The following DNAH5 variants were observed in gnomAD, a reference collection of about 807,000 sequenced individuals.
DNAH5 encodes dynein axonemal heavy chain 5, also known as axonemal beta dynein heavy chain 5.
In DNAH5, 372 loss-of-function variants were observed where a neutral mutation model predicts 518.2. That is an observed-to-expected ratio of 0.72 (90% CI 0.66 to 0.78). The LOEUF is 0.78. DNAH5 is among the 30% of genes least tolerant of loss of function. DNAH5 has a pLI of 0.00. For missense variants in DNAH5, 5,523 were observed against 5,687.0 expected (o/e 0.97, Z 0.93); for synonymous variants, 2,039 against 2,025.9 (o/e 1.01, Z -0.17).
chr5:13,693,530 C>G (rs1384547706), intron 78 of DNAH5, among the ~76,000 whole-genome samples: 1 of 152,084 alleles, frequency 6.6e-6, no homozygotes, highest in Non-Finnish European at 1.5e-5. Context: ...ATAAATAATC[C>G]TAAAGCCGTG....
Position 13,922,162 on chromosome 5 carries a change from G to T in DNAH5, c.605C>A (p.Ser202Tyr). The T allele has an allele frequency of 1.9e-6, 3 of 1,614,064 alleles. No homozygotes were observed. The highest frequency in any genetic ancestry group is 2.5e-6 in the Non-Finnish European group (3 of 1,179,980). The change falls in exon 5 of 79, where the codon TCC becomes TAC. Residue 202 changes from serine to tyrosine, a missense_variant. By Grantham distance (144) the Ser-to-Tyr change is moderately radical. This residue lies in a region of DNAH5 where 5,121 missense variants were observed against 5,223.3 expected (regional missense o/e 0.98). Coordinates refer to ENST00000265104, the MANE Select transcript of DNAH5 (RefSeq NM_001369.3). ...CAGGACGTTCACAAAGCCTTCCAGG[G>T]AGCTCAAGAACTCCTGGCGAATGTT... Reference protein sequence around the residue: ...AANIRQEFLSSLEGFVNVLSG... With the variant: ...AANIRQEFLSYLEGFVNVLSG...
Position 13,845,017 on chromosome 5 carries a change from A to G in DNAH5, c.5115-24T>C, listed in dbSNP as rs762918959. ...ACCTACAAGGAGAGGAAAAACATAAACCTTTATAACCACACAAAGCTGGTC... is the reference window on the plus strand; with the variant it reads ...ACCTACAAGGAGAGGAAAAACATAAGCCTTTATAACCACACAAAGCTGGTC... On this transcript the variant is annotated intron_variant, in intron 31 of 78. Transcript: ENST00000265104. The G allele has an allele frequency of 3.1e-6, 5 of 1,610,684 alleles. No individual in the cohort carries two copies. In the East Asian group the frequency reaches 8.9e-5, roughly 29 times the overall value.
At chr5:13,738,884 T>C (rs1327185666) in intron 65 of DNAH5, among the ~76,000 whole-genome samples, 1 of 152,202 alleles carries the variant, frequency 6.6e-6, no homozygotes, top group Non-Finnish European at 1.5e-5. Flanking sequence ...GAAACTTATG[T>C]ATTAGAGAGT....
intron 35 of DNAH5, among the ~76,000 whole-genome samples, chr5:13,837,796 G>T (rs1294708999): frequency 6.7e-6 from 1 of 148,696 alleles, no homozygotes; most frequent in Non-Finnish European, 1.5e-5. Flanking sequence ...TCCGCCTCGG[G>T]TTCAAGTGAT....
intron 47 of DNAH5, among the ~76,000 whole-genome samples, chr5:13,804,404 T>A (rs1759254051): frequency 6.6e-6 from 1 of 152,218 alleles, no homozygotes; most frequent in Admixed American, 6.5e-5. Flanking sequence ...ATGGACAGTA[T>A]CTATTTTCTC....
Position 13,841,125 on chromosome 5 carries a change from T to C in DNAH5, c.5490A>G (p.Gly1830=). ...TCCATATCATCTGAATTCCTAATAA[T>C]CCAACCTTATGGAAATAAAAAAGGC... ...EFLSSFPAQV[G]LLGIQMIWTR... is the part of the protein sequence containing the mutation. Residue 1830 remains glycine (G), a synonymous_variant, in exon 34 of 79, where the codon GGA becomes GGG. Coordinates refer to ENST00000265104, the MANE Select transcript of DNAH5 (RefSeq NM_001369.3). 1.2e-6 allele frequency: 2 copies of C among 1,612,892 alleles called. No homozygotes were observed. The highest frequency in any genetic ancestry group is 8.5e-7 in the Non-Finnish European group (1 of 1,179,056).
chr5:13,764,376 T>C (rs1029703401), intron 59 of DNAH5, among the ~76,000 whole-genome samples: 3 of 152,156 alleles, frequency 2.0e-5, no homozygotes, highest in Non-Finnish European at 4.4e-5. Context: ...AAATTAGTCA[T>C]ATTTTACATA....
intron 1 of DNAH5, among the ~76,000 whole-genome samples, chr5:13,973,011 C>T (rs577308932): frequency 9.9e-5 from 15 of 152,278 alleles, no homozygotes; most frequent in East Asian, 1.9e-4. Context: ...TATTACCTTA[C>T]GTGACAACAG....
chr5:13,941,601 T>C (rs981315813), intron 1 of DNAH5, among the ~76,000 whole-genome samples: 1 of 152,212 alleles, frequency 6.6e-6, no homozygotes, highest in African/African-American at 2.4e-5. Flanking sequence ...CAAAGGTTCT[T>C]TCTGTCTTGG....
At chr5:13,965,121 C>T (rs955914861) in intron 1 of DNAH5, among the ~76,000 whole-genome samples, 5 of 152,090 alleles carry the variant, frequency 3.3e-5, no homozygotes, top group African/African-American at 1.2e-4. Flanking sequence ...ACACGGCACC[C>T]TAGAGGGTCA....
intron 9 of DNAH5, 24 bp downstream of exon 9, chr5:13,916,324 A>T: frequency 8.0e-7 from 1 of 1,253,814 alleles, no homozygotes; most frequent in East Asian, 2.4e-5. Context: ...ACAAATGAAC[A>T]TGGACTCTAC....
intron 1 of DNAH5, among the ~76,000 whole-genome samples, chr5:13,987,024 C>T (rs896971342): frequency 1.3e-5 from 2 of 152,144 alleles, no homozygotes; most frequent in Non-Finnish European, 2.9e-5. Flanking sequence ...AGTGGGAAGC[C>T]GGAGCAAGGG....
chr5:13,876,009 C>T (rs1770834545), intron 22 of DNAH5, among the ~76,000 whole-genome samples: 1 of 152,124 alleles, frequency 6.6e-6, no homozygotes, highest in South Asian at 2.1e-4. Flanking sequence ...ACATTATTAA[C>T]AAGTCAACAA....
chr5:13,871,357 A>G (rs1770074324), intron 23 of DNAH5, among the ~76,000 whole-genome samples: 2 of 152,164 alleles, frequency 1.3e-5, no homozygotes, highest in Non-Finnish European at 2.9e-5. Flanking sequence ...CTTTTTTTCA[A>G]GGTTTAGCAG....
At chr5:13,797,799 C>A (rs1758053578) in intron 47 of DNAH5, among the ~76,000 whole-genome samples, 1 of 152,086 alleles carries the variant, frequency 6.6e-6, no homozygotes, top group African/African-American at 2.4e-5. Flanking sequence ...GACTTGGAAC[C>A]AACCCAAATG....
chr5:13,776,109 G>A (rs374914355), intron 55 of DNAH5, among the ~76,000 whole-genome samples: 12 of 152,168 alleles, frequency 7.9e-5, no homozygotes, highest in Non-Finnish European at 1.3e-4. Flanking sequence ...AAGCAGCAAA[G>A]GGTCCAGTCA....
At chr5:13,920,340 A>C (rs1777112603) in intron 6 of DNAH5, 140 bp downstream of exon 6, 1 of 1,128,890 alleles carries the variant, frequency 8.9e-7, no homozygotes, top group Non-Finnish European at 1.3e-6. Context: ...GTAAAGGAAA[A>C]CCACATTGGA....
chr5:13,999,381 G>A (rs1463615573), intron 1 of DNAH5, among the ~76,000 whole-genome samples: 2 of 152,088 alleles, frequency 1.3e-5, no homozygotes, highest in African/African-American at 4.8e-5. Flanking sequence ...CCAGCCTCCT[G>A]GCCACCACCA....
rs772786954 is a variant in DNAH5 at position 13,866,217 on chromosome 5, T to C, written c.4116+3A>G. ...AGAAAGTCATAGAAACTAAAAAGATTACCTGAAACATGATAAGCCTGTCAC... is the reference window on the plus strand; with the variant it reads ...AGAAAGTCATAGAAACTAAAAAGATCACCTGAAACATGATAAGCCTGTCAC... On this transcript the variant is annotated splice_donor_region_variant and intron_variant, in intron 26 of 78. Transcript: ENST00000265104. 25 of 1,612,962 alleles carry C rather than the reference T, an allele frequency of 1.5e-5. No individual in the cohort carries two copies. The South Asian group carries it at 2.5e-4, about 16-fold the overall frequency.
Sources: gnomAD v4.1 joint callset for allele counts (sites outside exome capture counted in the v4.1 genomes callset) on GRCh38, gnomAD v4.1.1 for gene constraint, gnomAD v4.1.1 regional missense constraint, MANE v1.5 for transcripts, NCBI Gene and HGNC (gene_info 2026-07-23, HGNC 2026-07-21) for gene names.